Variants in INTS6 observed in about 807,000 individuals in gnomAD.
INTS6 encodes the protein integrator complex subunit 6.
In INTS6, 16 loss-of-function variants were observed where a neutral mutation model predicts 104.9. The ratio of observed to expected loss-of-function variants is 0.15; its 90% CI spans 0.10 to 0.23. The LOEUF (loss-of-function observed/expected upper bound fraction) is 0.23. Among genes scored for constraint, INTS6 ranks in the 10% least tolerant of loss-of-function variants. The probability of loss-of-function intolerance (pLI) is 1.00; values close to 1 mark genes in which losing one functional copy is unlikely to be tolerated. For missense variants in INTS6, 584 were observed against 1,062.8 expected, an observed-to-expected ratio of 0.55 and a Z score of 6.26; for synonymous variants, 324 against 358.7, an observed-to-expected ratio of 0.90 and a Z score of 1.09.
chr13:51,374,553 T>C, intron 14 of INTS6, 101 bp downstream of exon 14: 2 of 1,519,008 alleles, frequency 1.3e-6, no homozygotes, highest in Admixed American at 3.6e-5. Context: ...TTAGATACTC[T>C]ACCAGGAAAA....
Position 51,399,653 on chromosome 13 carries a change from T to C in INTS6, c.430-4170A>G, listed in dbSNP as rs571486960. Among the ~76,000 whole-genome samples the C allele has an allele frequency of 2.6e-5, 4 of 152,272 alleles. No individual in the cohort carries two copies. In the South Asian group the frequency reaches 8.3e-4, roughly 32 times the overall value. On this transcript the variant is annotated intron_variant, in intron 4 of 17. Transcript: ENST00000311234. ...GCGTATAACAGAACCAGTTGCTCTG[T>C]ATCTCCTTCATCAACACTTAGTTTT...
chr13:51,346,606 T>C, the INTS6 span, among the ~76,000 whole-genome samples: 9 of 152,168 alleles, frequency 5.9e-5, no homozygotes, highest in Non-Finnish European at 1.3e-4. Flanking sequence ...CACCCAGGTG[T>C]CAGGACTTCT....
At chr13:51,423,397 T>G (rs567804020) in intron 4 of INTS6, among the ~76,000 whole-genome samples, 1 of 152,116 alleles carries the variant, frequency 6.6e-6, no homozygotes, top group South Asian at 2.1e-4. Flanking sequence ...GAATTATGGC[T>G]TAGTAAGGAT....
the INTS6 span, chr13:51,341,091 C>T: frequency 6.2e-7 from 1 of 1,613,564 alleles, no homozygotes; most frequent in Non-Finnish European, 8.5e-7. Flanking sequence ...TCCCAGCCTC[C>T]ATGCCGCCTT....
intron 4 of INTS6, among the ~76,000 whole-genome samples, chr13:51,417,740 A>G (rs979585354): frequency 1.3e-5 from 2 of 152,170 alleles, no homozygotes; most frequent in African/African-American, 4.8e-5. Context: ...TACAGGCGTG[A>G]GCTACTGCAC....
At chr13:51,366,289 A>G (rs1324273757) in intron 17 of INTS6, among the ~76,000 whole-genome samples, 1 of 151,990 alleles carries the variant, frequency 6.6e-6, no homozygotes, top group African/African-American at 2.4e-5. Flanking sequence ...CACAAAATGG[A>G]AGAAGAAATG....
At chr13:51,348,581 C>A in the INTS6 span, 1 of 591,864 alleles carries the variant, frequency 1.7e-6, no homozygotes, top group Non-Finnish European at 3.0e-6. Context: ...AGTTTGAGTT[C>A]ATTTCAGAGC....
chr13:51,354,902 G>GCGC (rs1367616481), intron 3 of INTS6: 1 of 614,958 alleles, frequency 1.6e-6, no homozygotes, highest in African/African-American at 1.9e-5. Context: ...TTATGGGAAG[G>GCGC]CGCCATGGAA....
chr13:51,443,884 C>A (rs1952843587), intron 3 of INTS6: 1 of 152,070 alleles, frequency 6.6e-6, no homozygotes, highest in Non-Finnish European at 1.5e-5. Context: ...ACTAAATAAA[C>A]AATCCTTTTA....
At chr13:51,440,878 G>A (rs552496092) in intron 3 of INTS6, 7 of 152,222 alleles carry the variant, frequency 4.6e-5, no homozygotes, top group Non-Finnish European at 1.0e-4. Flanking sequence ...ATTGTTAAGC[G>A]ATACATAACT....
chr13:51,416,218 C>A (rs1956783791), intron 4 of INTS6, among the ~76,000 whole-genome samples: 1 of 152,010 alleles, frequency 6.6e-6, no homozygotes, highest in Admixed American at 6.5e-5. Context: ...AGATAGGCAC[C>A]AGAGAGGAAA....
chr13:51,432,929 C>T (rs976044130), intron 3 of INTS6, among the ~76,000 whole-genome samples: 1 of 152,192 alleles, frequency 6.6e-6, no homozygotes, highest in Non-Finnish European at 1.5e-5. Flanking sequence ...CTCTCTTGGT[C>T]TCTACCAGTA....
intron 4 of INTS6, among the ~76,000 whole-genome samples, chr13:51,396,173 T>C (rs948286306): frequency 6.6e-6 from 1 of 152,196 alleles, no homozygotes; most frequent in African/African-American, 2.4e-5. Flanking sequence ...TCAGTACTTT[T>C]TTATTACACC....
In INTS6 at chr13:51,383,455, C is replaced by T; in HGVS notation, c.1054G>A (p.Val352Met). The T allele has an allele frequency of 2.5e-6, 4 of 1,612,040 alleles. No homozygotes were observed. Among genetic ancestry groups the T allele is most frequent in the Non-Finnish European group, 3.4e-6 (4 of 1,179,308 alleles). Reference protein sequence around the residue: ...KSPQTCWQVYVSNSAKYSELG... With the variant: ...KSPQTCWQVYMSNSAKYSELG... ...TCACTGTATTTTGCACTATTGCTCA[C>T]GTACACCTGTTAAAAAGGAGCGGTT... Residue 352 changes from valine (V) to methionine (M), a missense_variant, in exon 9 of 18, where the codon GTG (valine) becomes ATG (methionine). Physicochemically the swap from Val to Met is conservative, Grantham distance 21. Around this residue, in one of 5 missense-constraint regions of INTS6, gnomAD observed 144 missense variants for 348.7 expected, o/e 0.41. Coordinates refer to ENST00000311234, the MANE Select transcript of INTS6 (RefSeq NM_012141.3).
intron 4 of INTS6, among the ~76,000 whole-genome samples, chr13:51,407,658 C>T (rs1295899083): frequency 6.6e-6 from 1 of 151,972 alleles, no homozygotes; most frequent in Admixed American, 6.6e-5. Flanking sequence ...AAAATGATAA[C>T]AAGGTACTAT....
At chr13:51,348,848 G>GTC in the INTS6 span, among the ~76,000 whole-genome samples, 3 of 150,506 alleles carry the variant, frequency 2.0e-5, no homozygotes, top group Admixed American at 6.6e-5. Context: ...ACGTAATTGA[G>GTC]CAAGTACAGA....
rs79375269 is a variant in INTS6, at chr13:51,384,779, T to C, written c.895-1038A>G. The C allele has an allele frequency of 5.9e-4, 261 of 442,714 alleles. 1 individual carries two copies. The highest frequency in any genetic ancestry group is 4.9e-3 in the African/African-American group (241 of 49,590). The allele number at this position is 442,714 out of a possible 1,614,324, so 27.4% of individuals were successfully genotyped here. Reference sequence around the variant, plus strand: ...AAACATGGTAGGTAGTCATTACTAGTTGCTGCCTTCTGTCAATACTAAACT... The same window carrying C: ...AAACATGGTAGGTAGTCATTACTAGCTGCTGCCTTCTGTCAATACTAAACT... On this transcript the variant is annotated intron_variant, in intron 7 of 17. Transcript: ENST00000311234.
the INTS6 span, among the ~76,000 whole-genome samples, chr13:51,334,593 CT>C: frequency 6.6e-6 from 1 of 152,250 alleles, no homozygotes; most frequent in Admixed American, 6.5e-5. Flanking sequence ...AATAAACTTA[CT>C]TTAAAATTTA....
the INTS6 span, among the ~76,000 whole-genome samples, chr13:51,335,459 T>C: frequency 1.3e-5 from 2 of 152,222 alleles, no homozygotes; most frequent in East Asian, 3.8e-4. Context: ...TTTGCATCTA[T>C]TAAACTTGAA....
Sources: allele counts gnomAD v4.1 joint callset (sites outside exome capture counted in the v4.1 genomes callset), GRCh38; gene constraint gnomAD v4.1.1; regional missense constraint gnomAD v4.1.1; transcripts MANE v1.5; gene names NCBI Gene and HGNC (gene_info 2026-07-23, HGNC 2026-07-21).